Variants in GOLGB1 observed in about 807,000 individuals in gnomAD.
GOLGB1 encodes golgin subfamily B member 1.
Under a neutral mutation model 336.9 loss-of-function variants are expected in GOLGB1, and 174 were observed. The ratio of observed to expected loss-of-function variants is 0.52; its 90% CI spans 0.46 to 0.59. GOLGB1 has a LOEUF of 0.59. Among genes scored for constraint, GOLGB1 ranks in the 20% least tolerant of loss-of-function variants. The pLI is 0.00. For missense variants in GOLGB1, 3,331 were observed against 3,645.3 expected, an observed-to-expected ratio of 0.91 and a Z score of 2.22; for synonymous variants, 1,208 against 1,289.2, an observed-to-expected ratio of 0.94 and a Z score of 1.35.
chr3:121,688,969 G>T (rs1478637455), intron 14 of GOLGB1, among the ~76,000 whole-genome samples: 1 of 152,110 alleles, frequency 6.6e-6, no homozygotes, highest in Non-Finnish European at 1.5e-5. Flanking sequence ...CGTCTGGGAA[G>T]TGAGGAGCGT....
Position 121,695,439 on chromosome 3 carries a change from A to G in GOLGB1, c.5084T>C (p.Leu1695Pro). The G allele has an allele frequency of 6.2e-7, 1 of 1,613,868 alleles. No homozygotes were observed. The change falls in exon 13 of 22, where the codon CTA (leucine) becomes CCA (proline). Residue 1695 changes from leucine (L) to proline (P), a missense_variant. Transcript: ENST00000614479. ...CCGGTCATTCTCTTCTTCCAGCTCT[A>G]GGATTTTCTGCTGTTTAGATTTAGC... ...KFAKSKQQKI[L>P]ELEEENDRLR...
intron 1 of GOLGB1, among the ~76,000 whole-genome samples, chr3:121,744,229 A>G (rs1947084658): frequency 6.6e-6 from 1 of 152,138 alleles, no homozygotes; most frequent in Non-Finnish European, 1.5e-5. Flanking sequence ...AATCTGTAAG[A>G]TAAGTATTAT....
chr3:121,686,665 AC>A (rs1941769756), intron 14 of GOLGB1, among the ~76,000 whole-genome samples: 2 of 15,452 alleles, frequency 1.3e-4, no homozygotes, highest in Non-Finnish European at 5.3e-4. Context: ...TTAAACATAT[AC>A]ACACACACAC....
chr3:121,698,031 A>G lies in GOLGB1; in HGVS notation c.2492T>C (p.Phe831Ser). Residue 831 changes from phenylalanine to serine, a missense_variant, in exon 13 of 22, where the codon TTT becomes TCT. Phe to Ser is a radical substitution (Grantham distance 155, BLOSUM62 -2). Coordinates refer to ENST00000614479, the MANE Select transcript of GOLGB1 (RefSeq NM_001366282.2). ...QNELDDVQLQFSEQSTLIRSL... is the reference protein window; with the variant it reads ...QNELDDVQLQSSEQSTLIRSL... ...TCTTATCAGGGTACTCTGCTCAGAAAACTGAAGCTGCACATCATCCAGTTC... is the reference window on the plus strand; with the variant it reads ...TCTTATCAGGGTACTCTGCTCAGAAGACTGAAGCTGCACATCATCCAGTTC... The G allele has an allele frequency of 1.2e-6, 2 of 1,614,090 alleles. No homozygotes were observed. The highest frequency in any genetic ancestry group is 1.7e-6 in the Non-Finnish European group (2 of 1,179,960).
Position 121,696,463 on chromosome 3 carries a change from GTTTA to G in GOLGB1, c.4056_4059del (p.Lys1353ArgfsTer3). The G allele has an allele frequency of 1.9e-6, 3 of 1,613,916 alleles. No homozygotes were observed. Among genetic ancestry groups the G allele is most frequent in the Non-Finnish European group, 2.5e-6 (3 of 1,179,934 alleles). On this transcript the variant is annotated frameshift_variant, in exon 13 of 22. Coordinates refer to ENST00000614479, the MANE Select transcript of GOLGB1 (RefSeq NM_001366282.2). LOFTEE classifies it high-confidence loss of function. ...TTTAGACTCTCGATTTCTAAACCCT[GTTTA>G]TTTATCTGCTCTTGTAACTGAAATA...
chr3:121,741,415 CA>C (rs903924746), intron 1 of GOLGB1, among the ~76,000 whole-genome samples: 12 of 152,060 alleles, frequency 7.9e-5, no homozygotes, highest in Admixed American at 6.5e-4. Context: ...ATAGCATATG[CA>C]AAAAATAAAA....
chr3:121,688,875 G>T (rs529192391), intron 14 of GOLGB1, among the ~76,000 whole-genome samples: 1 of 147,160 alleles, frequency 6.8e-6, no homozygotes, highest in Non-Finnish European at 1.5e-5. Flanking sequence ...CTGCCCAGCC[G>T]CCCCGTCTGA....
Position 121,690,856 on chromosome 3 carries a change from C to T in GOLGB1, c.8508G>A (p.Val2836=). The T allele has an allele frequency of 6.2e-7, 1 of 1,613,822 alleles. No homozygotes were observed. Among genetic ancestry groups the T allele is most frequent in the Non-Finnish European group, 8.5e-7 (1 of 1,179,814 alleles). ...TGGCCATAGCCTTGGAAAAGGACTGCACTTGGTTATAAGAATCTTCTAGTT... is the reference window on the plus strand; with the variant it reads ...TGGCCATAGCCTTGGAAAAGGACTGTACTTGGTTATAAGAATCTTCTAGTT... The part of the protein sequence containing the change: ...SSQLEDSYNQ[V]QSFSKAMASL... Residue 2836 remains valine, a synonymous_variant, in exon 14 of 22, where the codon GTG becomes GTA. Transcript: ENST00000614479.
chr3:121,666,007 T>C (rs1468737826), intron 20 of GOLGB1, among the ~76,000 whole-genome samples: 2 of 152,210 alleles, frequency 1.3e-5, no homozygotes, highest in East Asian at 1.9e-4. Context: ...TATTCCTCCA[T>C]GTGATAAGCT....
At chr3:121,703,476 A>G (rs1943569503) in intron 10 of GOLGB1, among the ~76,000 whole-genome samples, 1 of 152,222 alleles carries the variant, frequency 6.6e-6, no homozygotes, top group African/African-American at 2.4e-5. Flanking sequence ...CAGAGAGAAG[A>G]AAAAGAGTTA....
chr3:121,682,085 G>T (rs551087877), intron 14 of GOLGB1, among the ~76,000 whole-genome samples: 1 of 152,250 alleles, frequency 6.6e-6, no homozygotes, highest in South Asian at 2.1e-4. Context: ...AAGGCTACAG[G>T]GTGTGACTAT....
At chr3:121,727,305 TATATATATA>T (rs1560307511) in intron 4 of GOLGB1, among the ~76,000 whole-genome samples, 6 of 30,550 alleles carry the variant, frequency 2.0e-4, no homozygotes, top group Non-Finnish European at 5.7e-4. Context: ...TATATATATA[TATATATATA>T]TATATATTTT....
chr3:121,687,710 G>C (rs1941894988), intron 14 of GOLGB1, among the ~76,000 whole-genome samples: 1 of 152,118 alleles, frequency 6.6e-6, no homozygotes, highest in Non-Finnish European at 1.5e-5. Context: ...TAACAGATAA[G>C]AATAATAAAG....
chr3:121,730,195 TA>T, intron 2 of GOLGB1, 178 bp from the exon 3 acceptor site: 1 of 484,088 alleles, frequency 2.1e-6, no homozygotes, highest in South Asian at 3.9e-5. Flanking sequence ...AAGTATTTTA[TA>T]AATGTTAAGC....
chr3:121,697,462 A>C lies in GOLGB1; in HGVS notation c.3061T>G (p.Leu1021Val), dbSNP rs1184972104. The C allele has an allele frequency of 3.7e-6, 6 of 1,611,228 alleles. No individual in the cohort carries two copies. The Admixed American group carries it at 6.7e-5, about 18-fold the overall frequency. Residue 1021 changes from leucine to valine, a missense_variant, in exon 13 of 22, where the codon TTA becomes GTA. By Grantham distance (32) the Leu-to-Val change is conservative (BLOSUM62 1). Transcript: ENST00000614479. ...LQRVSRLEEELANLKDESKKE... is the reference protein window; with the variant it reads ...LQRVSRLEEEVANLKDESKKE... ...TTAGATTCATCTTTCAAGTTGGCTA[A>C]TTCTTCTTCCAATCTACTGACTCTT...
intron 10 of GOLGB1, among the ~76,000 whole-genome samples, chr3:121,709,861 A>G (rs899170501): frequency 2.0e-5 from 3 of 152,130 alleles, no homozygotes; most frequent in Non-Finnish European, 4.4e-5. Context: ...TAACAAGACC[A>G]AAAGTGGTTC....
At position 121,674,741 on chromosome 3, in the gene GOLGB1, T is replaced by C. The variant is rs547160911; in HGVS notation, c.9177+2152A>G. On this transcript the variant is annotated intron_variant, in intron 17 of 21. Coordinates refer to ENST00000614479, the MANE Select transcript of GOLGB1 (RefSeq NM_001366282.2). ...CATGAAGGAATATGTATATCCTCAGTATCTAGCATATAGCCAGGCTCATGG... is the reference window on the plus strand; with the variant it reads ...CATGAAGGAATATGTATATCCTCAGCATCTAGCATATAGCCAGGCTCATGG... Among the ~76,000 whole-genome samples, 6 of 152,246 alleles carry C rather than the reference T, an allele frequency of 3.9e-5. No individual in the cohort carries two copies. The East Asian group carries it at 1.2e-3, about 29-fold the overall frequency.
intron 20 of GOLGB1, 63 bp downstream of exon 20, chr3:121,667,413 A>G: frequency 1.3e-6 from 2 of 1,508,094 alleles, no homozygotes; most frequent in South Asian, 1.2e-5. Context: ...CTGGCAGGAA[A>G]TGTACATGAG....
chr3:121,716,024 G>A (rs760801751), intron 9 of GOLGB1, among the ~76,000 whole-genome samples: 1 of 151,582 alleles, frequency 6.6e-6, no homozygotes, highest in Non-Finnish European at 1.5e-5. Context: ...AAAACTGTCT[G>A]GCTAACATTC....
Sources: gnomAD v4.1 joint callset for allele counts (sites outside exome capture counted in the v4.1 genomes callset) on GRCh38, gnomAD v4.1.1 for gene constraint, MANE v1.5 for transcripts, NCBI Gene and HGNC (gene_info 2026-07-23, HGNC 2026-07-21) for gene names.